TMEM65: variants seen among roughly 807,000 people sequenced by gnomAD.
TMEM65 encodes transmembrane protein 65.
A neutral mutation model predicts 25.4 loss-of-function variants in TMEM65; 22 were observed. The ratio of observed to expected loss-of-function variants is 0.86; its 90% CI spans 0.62 to 1.23. The LOEUF (loss-of-function observed/expected upper bound fraction) is 1.23, where lower values mean the gene tolerates loss of function less well. TMEM65 is among the 50% of genes most tolerant of loss of function. TMEM65 has a pLI of 0.00. For synonymous variants in TMEM65, 132 were observed against 126.2 expected, an observed-to-expected ratio of 1.05 and a Z score of -0.31; for missense variants, 262 against 308.2, an observed-to-expected ratio of 0.85 and a Z score of 1.12.
chr8:124,319,576 C>T (rs988078300), intron 6 of TMEM65, among the ~76,000 whole-genome samples: 1 of 151,858 alleles, frequency 6.6e-6, no homozygotes, highest in African/African-American at 2.4e-5. Flanking sequence ...CTTGGAACTC[C>T]TCTTATTCAT....
At chr8:124,327,164 A>G (rs1477284488) in intron 3 of TMEM65, among the ~76,000 whole-genome samples, 190 bp downstream of exon 3, 1 of 152,020 alleles carries the variant, frequency 6.6e-6, no homozygotes, top group Non-Finnish European at 1.5e-5. Context: ...TGCTTTACCT[A>G]AAGTCTTAAT....
intron 2 of TMEM65, among the ~76,000 whole-genome samples, chr8:124,330,492 TAAAAA>T (rs1413026382): frequency 2.9e-4 from 44 of 151,956 alleles, no homozygotes; most frequent in African/African-American, 1.0e-3. Flanking sequence ...ACTTCTATCA[TAAAAA>T]TAATTCTATT....
chr8:124,309,044 GAC>G lies in TMEM65; in HGVS notation c.*4914_*4915del, dbSNP rs1814126471. 1 of 152,256 alleles carries G rather than the reference GAC, an allele frequency of 6.6e-6. No individual in the cohort carries two copies. Among genetic ancestry groups the G allele is most frequent in the African/African-American group, 2.4e-5 (1 of 41,416 alleles). The allele number at this position is 152,256 out of a possible 1,614,324, so 9.4% of individuals were successfully genotyped here. A position where few individuals can be genotyped will look rare whatever the true frequency, so the allele number is the denominator to read the frequency against. Reference sequence around the variant, plus strand: ...TCCACCTCAGCCTACTCAACATGAAGACAAGGAGGATGAAGACTTTTATCATG... The same window carrying G: ...TCCACCTCAGCCTACTCAACATGAAGAAGGAGGATGAAGACTTTTATCATG... On this transcript the variant is annotated 3_prime_UTR_variant, in exon 7 of 7. Transcript: ENST00000297632.
chr8:124,361,904 T>C (rs1814868669), intron 1 of TMEM65, among the ~76,000 whole-genome samples: 1 of 152,080 alleles, frequency 6.6e-6, no homozygotes, highest in African/African-American at 2.4e-5. Context: ...TTGGAGGGTT[T>C]TTTGAGATGG....
chr8:124,352,118 A>G (rs908698089), intron 1 of TMEM65, among the ~76,000 whole-genome samples: 1 of 152,186 alleles, frequency 6.6e-6, no homozygotes, highest in Admixed American at 6.5e-5. Context: ...TACGATGTAC[A>G]TATGTTTCTA....
chr8:124,363,863 A>C (rs1277491938), intron 1 of TMEM65, among the ~76,000 whole-genome samples: 2 of 149,902 alleles, frequency 1.3e-5, no homozygotes, highest in Admixed American at 6.6e-5. Flanking sequence ...AAAAAAAAAA[A>C]AAAACAAGAA....
Position 124,314,020 on chromosome 8 carries a change from C to T in TMEM65, c.663G>A (p.Met221Ile), listed in dbSNP as rs1814200102. 2 of 1,613,478 alleles carry T rather than the reference C, an allele frequency of 1.2e-6. No homozygotes were observed. The change falls in exon 7 of 7, where the codon ATG becomes ATA. Residue 221 changes from methionine (M) to isoleucine (I), a missense_variant. Met to Ile is a conservative substitution (Grantham distance 10, BLOSUM62 1). Transcript: ENST00000297632. Reference sequence around the variant, plus strand: ...CTCCTCCAAAGAAAATTAAAGGAAACATTCCTAGAATGCAGCCAATAGTCA... The same window carrying T: ...CTCCTCCAAAGAAAATTAAAGGAAATATTCCTAGAATGCAGCCAATAGTCA... ...VGVTIGCILG[M>I]FPLIFFGGGE...
rs1455551765 is a variant in TMEM65, at chr8:124,309,991, T to C, written c.*3969A>G. 6.6e-6 allele frequency: 1 copy of C among 150,984 alleles called. No homozygotes were observed. Among genetic ancestry groups the C allele is most frequent in the Non-Finnish European group, 1.5e-5 (1 of 67,844 alleles). The allele number at this position is 150,984 out of a possible 1,614,324, so 9.4% of individuals were successfully genotyped here. A position where few individuals can be genotyped will look rare whatever the true frequency, so the allele number is the denominator to read the frequency against. On this transcript the variant is annotated 3_prime_UTR_variant, in exon 7 of 7. Coordinates refer to ENST00000297632, the MANE Select transcript of TMEM65 (RefSeq NM_194291.3). ...CCTGGCCAACATGGTGAAACCCCGT[T>C]TCTACTAAAAATACAAAAAAATTAG...
intron 6 of TMEM65, among the ~76,000 whole-genome samples, chr8:124,317,913 T>C (rs1814257390): frequency 6.6e-6 from 1 of 152,198 alleles, no homozygotes; most frequent in Non-Finnish European, 1.5e-5. Context: ...TGTCCAATCT[T>C]TTGGCTTCCC....
intron 1 of TMEM65, among the ~76,000 whole-genome samples, chr8:124,354,556 T>C (rs781507211): frequency 5.3e-5 from 8 of 152,190 alleles, no homozygotes; most frequent in Non-Finnish European, 7.4e-5. Context: ...CTCAGGGATC[T>C]GCACCCTGCC....
rs1814131115 is a variant in TMEM65 at position 124,309,562 on chromosome 8, A to C, written c.*4398T>G. On this transcript the variant is annotated 3_prime_UTR_variant, in exon 7 of 7. Coordinates refer to ENST00000297632, the MANE Select transcript of TMEM65 (RefSeq NM_194291.3). ...GTGAAACATATTTCACATATCTGAG[A>C]TTTTCTTAACACCAACTTTCTAGTA... 5 of 152,308 alleles carry C rather than the reference A, an allele frequency of 3.3e-5. No homozygotes were observed. The highest frequency in any genetic ancestry group is 3.3e-4 in the Admixed American group (5 of 15,296). 9.4% of individuals were successfully genotyped at this position (152,308 alleles called of 1,614,324 possible). A position where few individuals can be genotyped will look rare whatever the true frequency, so the allele number is the denominator to read the frequency against.
chr8:124,346,954 T>G (rs1367475814), intron 1 of TMEM65, among the ~76,000 whole-genome samples: 2 of 152,152 alleles, frequency 1.3e-5, no homozygotes, highest in African/African-American at 4.8e-5. Context: ...TACAACATAT[T>G]AAAGAATACA....
intron 1 of TMEM65, among the ~76,000 whole-genome samples, chr8:124,355,484 G>A (rs1374815017): frequency 6.6e-6 from 1 of 152,182 alleles, no homozygotes; most frequent in Non-Finnish European, 1.5e-5. Context: ...TGGACCTGTA[G>A]CACTGAAATC....
At position 124,367,926 on chromosome 8, in the gene TMEM65, T is replaced by C. The variant is rs950556083; in HGVS notation, c.304+3928A>G. Reference sequence around the variant, plus strand: ...TCTGTTCACCTCAATACATCTTTTATTTGCTATATGTAAAAACAATCTCAT... The same window carrying C: ...TCTGTTCACCTCAATACATCTTTTACTTGCTATATGTAAAAACAATCTCAT... On this transcript the variant is annotated intron_variant, in intron 1 of 6. Transcript: ENST00000297632. 2.6e-5 allele frequency among the ~76,000 whole-genome samples: 4 copies of C among 152,248 alleles called. 1 individual carries two copies. Among genetic ancestry groups the C allele is most frequent in the African/African-American group, 9.6e-5 (4 of 41,470 alleles).
chr8:124,372,056 G>A lies in TMEM65; in HGVS notation c.102C>T (p.Cys34=), dbSNP rs1425893389. The change falls in exon 1 of 7, where the codon TGC becomes TGT. Residue 34 remains cysteine, a synonymous_variant. Coordinates refer to ENST00000297632, the MANE Select transcript of TMEM65 (RefSeq NM_194291.3). ...GCGCGAGCGCCAGCAGCCCCCGCCC[G>A]CAGCAGCACCAGGACGGCGGGCGGG... is the stretch of plus-strand genomic sequence containing the variant. ...AAPRPPSWCC[C]GRGLLALAPP... The A allele has an allele frequency of 1.0e-5, 12 of 1,193,458 alleles. No individual in the cohort carries two copies. Among genetic ancestry groups the A allele is most frequent in the Non-Finnish European group, 1.2e-5 (12 of 964,420 alleles). The allele number at this position is 1,193,458 out of a possible 1,614,324, so 73.9% of individuals were successfully genotyped here.
chr8:124,327,302 GACC>G, intron 3 of TMEM65, 49 bp downstream of exon 3: 1 of 1,212,112 alleles, frequency 8.3e-7, no homozygotes, highest in Non-Finnish European at 1.2e-6. Context: ...GGAAAATGTA[GACC>G]ACATTAATTT....
Position 124,314,079 on chromosome 8 carries a change from A to G in TMEM65, c.622-18T>C, listed in dbSNP as rs1459213434. ...GCTTTGCCCTAAGGAAACAAAAGAG[A>G]ACATTTTTAAAGTTACTTTATCTCT... On this transcript the variant is annotated intron_variant, in intron 6 of 6. Transcript: ENST00000297632. The G allele has an allele frequency of 6.3e-7, 1 of 1,594,710 alleles. No individual in the cohort carries two copies.
rs999481116 is a variant in TMEM65, at chr8:124,310,285, G to C, written c.*3675C>G. The C allele has an allele frequency of 6.6e-6, 1 of 152,158 alleles. No homozygotes were observed. The highest frequency in any genetic ancestry group is 2.4e-5 in the African/African-American group (1 of 41,414). 9.4% of individuals were successfully genotyped at this position (152,158 alleles called of 1,614,324 possible). A position where few individuals can be genotyped will look rare whatever the true frequency, so the allele number is the denominator to read the frequency against. On this transcript the variant is annotated 3_prime_UTR_variant, in exon 7 of 7. Coordinates refer to ENST00000297632, the MANE Select transcript of TMEM65 (RefSeq NM_194291.3). The stretch of plus-strand genomic sequence containing the variant: ...CCTTGAACATCCTAGCACATAGTAT[G>C]TAATAAAGAACACAAGATTTCTTAA...
intron 1 of TMEM65, among the ~76,000 whole-genome samples, chr8:124,336,592 A>T (rs1279526182): frequency 6.6e-6 from 1 of 152,052 alleles, no homozygotes; most frequent in Non-Finnish European, 1.5e-5. Context: ...CCAAAGAGGA[A>T]ATCAAAAAGG....
Sources: gnomAD v4.1 joint callset for allele counts (sites outside exome capture counted in the v4.1 genomes callset) on GRCh38, gnomAD v4.1.1 for gene constraint, MANE v1.5 for transcripts, NCBI Gene and HGNC (gene_info 2026-07-23, HGNC 2026-07-21) for gene names.